Variants in CCDC7 observed in about 807,000 individuals in gnomAD.
CCDC7 encodes coiled-coil domain containing 7.
CCDC7 carries 183 observed loss-of-function variants against 196.9 expected under a neutral mutation model. The ratio of observed to expected loss-of-function variants is 0.93; its 90% CI spans 0.82 to 1.05. The LOEUF is 1.05. Ranked by LOEUF, CCDC7 falls within the 50% of genes least tolerant of loss-of-function variation. The pLI is 0.00. For missense variants in CCDC7, 1,540 were observed against 1,482.2 expected (o/e 1.04, Z -0.64); for synonymous variants, 525 against 484.6 (o/e 1.08, Z -1.10).
chr10:32,710,710 A>T (rs2080680717), intron 24 of CCDC7, among the ~76,000 whole-genome samples: 1 of 152,186 alleles, frequency 6.6e-6, no homozygotes, highest in African/African-American at 2.4e-5. Flanking sequence ...TCTCAACTCT[A>T]GCATCTCCCA....
At chr10:32,598,202 T>C (rs185463301) in intron 18 of CCDC7, among the ~76,000 whole-genome samples, 11 of 152,314 alleles carry the variant, frequency 7.2e-5, no homozygotes, top group East Asian at 3.9e-4. Context: ...GCCTCAGCAA[T>C]GGTGGATGCC....
chr10:32,778,990 A>C (rs1003596375), exon 29 of CCDC7: 2 of 1,549,346 alleles, frequency 1.3e-6, no homozygotes, highest in South Asian at 2.4e-5. Flanking sequence ...AAAATGAAGC[A>C]GCCTCAGAAC....
chr10:32,672,037 G>T (rs1298564454), intron 21 of CCDC7, among the ~76,000 whole-genome samples: 1 of 152,094 alleles, frequency 6.6e-6, no homozygotes, highest in African/African-American at 2.4e-5. Flanking sequence ...TGCTTGCATT[G>T]GTAGTGGCAT....
Position 32,694,873 on chromosome 10 carries a change from A to G in CCDC7, c.2345-6A>G. 3 of 1,566,522 alleles carry G rather than the reference A, an allele frequency of 1.9e-6. No homozygotes were observed. Among genetic ancestry groups the G allele is most frequent in the Non-Finnish European group, 2.6e-6 (3 of 1,147,250 alleles). The stretch of plus-strand genomic sequence containing the variant: ...ATTAAGAGACTAAATGCATCTCCTT[A>G]TGTAGCTCATGATGAAGAACCAGGC... On this transcript the variant is annotated splice_region_variant and splice_polypyrimidine_tract_variant and intron_variant, in intron 23 of 41. Coordinates refer to ENST00000639629, the Ensembl canonical transcript of CCDC7.
chr10:32,861,115 C>CAAAAAAAAAAAAAAA (rs142801821), intron 41 of CCDC7, among the ~76,000 whole-genome samples: 7 of 97,120 alleles, frequency 7.2e-5, no homozygotes, highest in Admixed American at 1.2e-4. Flanking sequence ...CAATCATAAG[C>CAAAAAAAAAAAAAAA]AAAAAAAAAA....
exon 26 of CCDC7, chr10:32,726,742 A>G: frequency 1.3e-6 from 2 of 1,580,776 alleles, no homozygotes; most frequent in Non-Finnish European, 1.7e-6. Flanking sequence ...AGTACCAGAT[A>G]AAAATTCTAT....
At chr10:32,710,060 G>A (rs950397516) in intron 24 of CCDC7, among the ~76,000 whole-genome samples, 5 of 152,142 alleles carry the variant, frequency 3.3e-5, no homozygotes, top group African/African-American at 1.2e-4. Context: ...GGGCTTGGGT[G>A]TTCCCTTCTC....
At chr10:32,747,303 C>T (rs1415979001) in intron 28 of CCDC7, among the ~76,000 whole-genome samples, 1 of 152,076 alleles carries the variant, frequency 6.6e-6, no homozygotes, top group African/African-American at 2.4e-5. Context: ...GGACACATGC[C>T]CTGGCAAAGA....
Position 32,815,689 on chromosome 10 carries a change from C to G in CCDC7, c.3181+1236C>G, listed in dbSNP as rs946669688. 5.3e-5 allele frequency among the ~76,000 whole-genome samples: 8 copies of G among 152,168 alleles called. No individual in the cohort carries two copies. The East Asian group carries it at 1.5e-3, about 29-fold the overall frequency. ...AGAATAAATACAAATCAATCCATGA[C>G]CAGACTAATCACTGTAAAAATGTTG... On this transcript the variant is annotated intron_variant, in intron 31 of 41. Transcript: ENST00000639629.
At chr10:32,694,189 C>G (rs549854153) in intron 23 of CCDC7, among the ~76,000 whole-genome samples, 2 of 152,262 alleles carry the variant, frequency 1.3e-5, no homozygotes, top group South Asian at 4.1e-4. Context: ...ACCACTATGA[C>G]AACCATCATT....
At chr10:32,808,287 C>T (rs886386183) in intron 30 of CCDC7, among the ~76,000 whole-genome samples, 4 of 152,134 alleles carry the variant, frequency 2.6e-5, no homozygotes, top group African/African-American at 9.7e-5. Flanking sequence ...CTTGCCCCAT[C>T]AGTTGCCCTG....
At chr10:32,858,966 G>C (rs1209570409) in intron 41 of CCDC7, among the ~76,000 whole-genome samples, 2 of 152,022 alleles carry the variant, frequency 1.3e-5, no homozygotes, top group Admixed American at 1.3e-4. Context: ...CACAATAATA[G>C]TGGGAGACTT....
chr10:32,771,855 T>C (rs1185146427), intron 28 of CCDC7, among the ~76,000 whole-genome samples: 2 of 152,164 alleles, frequency 1.3e-5, no homozygotes, highest in Non-Finnish European at 2.9e-5. Flanking sequence ...ATGCAGCTAT[T>C]TTCTTCTTCT....
At chr10:32,563,785 C>G (rs1373307416) in intron 13 of CCDC7, among the ~76,000 whole-genome samples, 2 of 151,952 alleles carry the variant, frequency 1.3e-5, no homozygotes, top group Admixed American at 6.6e-5. Context: ...GCAACAAAAG[C>G]CAAAATTGAC....
intron 24 of CCDC7, among the ~76,000 whole-genome samples, chr10:32,696,949 C>T (rs1242670019): frequency 6.6e-6 from 1 of 152,072 alleles, no homozygotes; most frequent in Non-Finnish European, 1.5e-5. Flanking sequence ...AGAAAGTGAA[C>T]AAAATTAACA....
chr10:32,518,024 T>C, intron 10 of CCDC7, 49 bp downstream of exon 11: 1 of 1,522,592 alleles, frequency 6.6e-7, no homozygotes, highest in Non-Finnish European at 8.8e-7. Context: ...CTTGAGTTCT[T>C]AACAGATTCT....
At chr10:32,750,745 G>T (rs553681313) in intron 28 of CCDC7, among the ~76,000 whole-genome samples, 78 of 152,218 alleles carry the variant, frequency 5.1e-4, no homozygotes, top group Non-Finnish European at 9.9e-4. Context: ...AAATCTGGAA[G>T]GTAAAATAAG....
At chr10:32,816,506 A>T (rs951009524) in intron 31 of CCDC7, among the ~76,000 whole-genome samples, 29 of 152,216 alleles carry the variant, frequency 1.9e-4, no homozygotes, top group Non-Finnish European at 5.9e-5. Flanking sequence ...CCTAGCACGC[A>T]GCTGGAGATC....
chr10:32,580,011 A>C (rs1372330792), intron 16 of CCDC7, among the ~76,000 whole-genome samples: 1 of 152,070 alleles, frequency 6.6e-6, no homozygotes, highest in Non-Finnish European at 1.5e-5. Flanking sequence ...GCACATTGCA[A>C]TATTGCAGTT....
Sources: allele counts gnomAD v4.1 joint callset (sites outside exome capture counted in the v4.1 genomes callset), GRCh38; gene constraint gnomAD v4.1.1; transcripts MANE v1.5; gene names NCBI Gene and HGNC (gene_info 2026-07-23, HGNC 2026-07-21).